ERC1: variants seen among roughly 807,000 people sequenced by gnomAD.
The protein encoded by ERC1 is ELKS/RAB6-interacting/CAST family member 1.
A neutral mutation model predicts 132.0 loss-of-function variants in ERC1; 56 were observed. The observed-to-expected ratio is 0.42, with a 90% confidence interval of 0.34 to 0.53. The LOEUF is 0.53. Ranked by LOEUF, ERC1 falls within the 20% of genes least tolerant of loss-of-function variation. The pLI is 0.03. For missense variants in ERC1, 1,202 were observed against 1,349.9 expected (o/e 0.89, Z 1.72); for synonymous variants, 478 against 476.1 (o/e 1.00, Z -0.05).
intron 2 of ERC1, among the ~76,000 whole-genome samples, chr12:1,037,780 C>T (rs1969361240): frequency 2.0e-5 from 3 of 152,022 alleles, no homozygotes; most frequent in Non-Finnish European, 4.4e-5. Flanking sequence ...CGCAGTGGCT[C>T]ACGTTTGTAA....
intron 18 of ERC1, among the ~76,000 whole-genome samples, chr12:1,457,384 G>A (rs2093560532): frequency 6.6e-6 from 1 of 152,182 alleles, no homozygotes; most frequent in African/African-American, 2.4e-5. Context: ...CTGATCGTAA[G>A]CAACATCTTC....
chr12:1,021,245 C>G (rs889043499), intron 1 of ERC1, among the ~76,000 whole-genome samples: 2 of 151,992 alleles, frequency 1.3e-5, no homozygotes, highest in South Asian at 4.2e-4. Context: ...CCAGCCGAGA[C>G]TCTTATTTCA....
At chr12:1,314,207 C>T (rs1455149868) in intron 15 of ERC1, among the ~76,000 whole-genome samples, 1 of 152,106 alleles carries the variant, frequency 6.6e-6, no homozygotes, top group Non-Finnish European at 1.5e-5. Flanking sequence ...CCTATCTGGG[C>T]CTCTGTTTCT....
chr12:1,363,168 T>G (rs1380931924), intron 15 of ERC1, among the ~76,000 whole-genome samples: 1 of 152,192 alleles, frequency 6.6e-6, no homozygotes, highest in African/African-American at 2.4e-5. Flanking sequence ...ATTTTTATAT[T>G]TTTTAAACAA....
chr12:1,271,559 A>T (rs894537822), intron 14 of ERC1, among the ~76,000 whole-genome samples: 10 of 152,192 alleles, frequency 6.6e-5, no homozygotes, highest in Non-Finnish European at 1.3e-4. Flanking sequence ...TATTTTTATT[A>T]TTGATTTAGA....
intron 1 of ERC1, among the ~76,000 whole-genome samples, chr12:1,002,160 C>CTTTTTTTTTT (rs71055117): frequency 7.8e-5 from 3 of 38,454 alleles, no homozygotes; most frequent in African/African-American, 1.1e-4. Context: ...CCATGCCCGG[C>CTTTTTTTTTT]TTTTTTTTTT....
intron 16 of ERC1, among the ~76,000 whole-genome samples, chr12:1,374,364 T>C (rs1208767449): frequency 6.6e-6 from 1 of 152,098 alleles, no homozygotes; most frequent in Non-Finnish European, 1.5e-5. Flanking sequence ...CCCAATTTAC[T>C]TACCCCCTCT....
chr12:1,354,556 A>G (rs2085343361), intron 15 of ERC1, among the ~76,000 whole-genome samples: 1 of 152,040 alleles, frequency 6.6e-6, no homozygotes, highest in Non-Finnish European at 1.5e-5. Flanking sequence ...GGTGCCTAGT[A>G]GAATATCTGG....
chr12:1,343,458 T>C (rs553847948), intron 15 of ERC1, among the ~76,000 whole-genome samples: 2 of 152,316 alleles, frequency 1.3e-5, no homozygotes, highest in African/African-American at 4.8e-5. Flanking sequence ...AAAAGATTCC[T>C]ATGAGCTGCA....
At chr12:1,076,641 C>G (rs1478100072) in intron 2 of ERC1, among the ~76,000 whole-genome samples, 1 of 152,042 alleles carries the variant, frequency 6.6e-6, no homozygotes, top group Non-Finnish European at 1.5e-5. Context: ...GATCCGCCTG[C>G]CTTGGCTTCC....
chr12:1,451,146 A>G (rs1423359354), intron 18 of ERC1, among the ~76,000 whole-genome samples: 2 of 152,168 alleles, frequency 1.3e-5, no homozygotes, highest in East Asian at 1.9e-4. Context: ...CTTTCGATGC[A>G]CACATTTTTT....
At chr12:1,211,225 C>G (rs997965873) in intron 12 of ERC1, among the ~76,000 whole-genome samples, 4 of 150,438 alleles carry the variant, frequency 2.7e-5, no homozygotes, top group Non-Finnish European at 5.9e-5. Flanking sequence ...CTCGGCTTAC[C>G]GCAACCTCCG....
At chr12:1,128,515 G>A (rs544421511) in intron 7 of ERC1, among the ~76,000 whole-genome samples, 3 of 152,232 alleles carry the variant, frequency 2.0e-5, no homozygotes, top group South Asian at 4.1e-4. Context: ...GATTACAGGC[G>A]TGAGGCACCG....
Position 1,111,151 on chromosome 12 carries a change from G to A in ERC1, c.1317+804G>A, listed in dbSNP as rs140772182. ...ATTGCTTCCCATGTGCACTTCAGGC[G>A]TAATATGACAAAGATTGATACCACC... is the stretch of plus-strand genomic sequence containing the variant. On this transcript the variant is annotated intron_variant, in intron 5 of 18. Transcript: ENST00000360905. 1.9e-4 allele frequency among the ~76,000 whole-genome samples: 29 copies of A among 152,166 alleles called. No individual in the cohort carries two copies. The East Asian group carries it at 4.8e-3, about 25-fold the overall frequency.
At chr12:1,130,821 G>A (rs1471784455) in intron 7 of ERC1, among the ~76,000 whole-genome samples, 1 of 152,116 alleles carries the variant, frequency 6.6e-6, no homozygotes, top group Non-Finnish European at 1.5e-5. Context: ...ATGGCTCAGT[G>A]CCCTTCACGT....
At chr12:1,244,691 TTG>T (rs2076053764) in intron 13 of ERC1, 1 of 378,768 alleles carries the variant, frequency 2.6e-6, no homozygotes, top group Non-Finnish European at 5.3e-6. Context: ...CTGGCTAATT[TTG>T]TGTGTCTGTT....
chr12:1,154,350 T>TG, intron 8 of ERC1, among the ~76,000 whole-genome samples: 3 of 60,020 alleles, frequency 5.0e-5, no homozygotes, highest in African/African-American at 1.4e-4. Context: ...CCCATGTGTG[T>TG]TTATACACAC....
At chr12:1,427,428 T>A (rs1221562201) in intron 17 of ERC1, among the ~76,000 whole-genome samples, 4 of 152,232 alleles carry the variant, frequency 2.6e-5, no homozygotes, top group Non-Finnish European at 5.9e-5. Flanking sequence ...TCTCAGTGAA[T>A]ATCACAGATC....
At position 1,274,563 on chromosome 12, in the gene ERC1, G is replaced by A. The variant is rs146344919; in HGVS notation, c.2619+11398G>A. 3.8e-3 allele frequency among the ~76,000 whole-genome samples: 576 copies of A among 151,978 alleles called. 6 individuals are homozygous for A. Among genetic ancestry groups the A allele is most frequent in the African/African-American group, 0.013 (539 of 41,404 alleles). ...GCTGGAGTGCAGTGGTGCGGTCTTG[G>A]CTTGCTGCAACCTCCATCTCCCAGG... On this transcript the variant is annotated intron_variant, in intron 14 of 18. Coordinates refer to ENST00000360905, the MANE Select transcript of ERC1 (RefSeq NM_178040.4).
Sources: gnomAD v4.1 joint callset for allele counts (sites outside exome capture counted in the v4.1 genomes callset) on GRCh38, gnomAD v4.1.1 for gene constraint, MANE v1.5 for transcripts, NCBI Gene and HGNC (gene_info 2026-07-23, HGNC 2026-07-21) for gene names.